The following GRM5 variants were observed in gnomAD, a reference collection of about 807,000 sequenced individuals.
GRM5 encodes the protein metabotropic glutamate receptor 5.
GRM5 carries 19 observed loss-of-function variants against 83.1 expected under a neutral mutation model. The observed-to-expected ratio is 0.23, with a 90% CI of 0.16 to 0.34. GRM5 has a LOEUF of 0.34. Among genes scored for constraint, GRM5 ranks in the 10% least tolerant of loss-of-function variants. GRM5 has a pLI of 1.00. For missense variants in GRM5, 1,160 were observed against 1,588.3 expected, an observed-to-expected ratio of 0.73 and a Z score of 4.58; for synonymous variants, 675 against 633.6, an observed-to-expected ratio of 1.07 and a Z score of -0.98.
At chr11:88,696,177 G>A (rs80073396) in intron 3 of GRM5, among the ~76,000 whole-genome samples, 5 of 152,090 alleles carry the variant, frequency 3.3e-5, no homozygotes, top group African/African-American at 9.7e-5. Context: ...ATTGCCCAGC[G>A]GTAGGGCTCT....
intron 2 of GRM5, among the ~76,000 whole-genome samples, chr11:88,918,813 G>A (rs981380461): frequency 2.0e-5 from 3 of 151,876 alleles, no homozygotes; most frequent in Non-Finnish European, 2.9e-5. Flanking sequence ...GAGTTAAGTA[G>A]TCATCAATTT....
chr11:88,648,898 A>T (rs1388738998), intron 4 of GRM5, among the ~76,000 whole-genome samples: 1 of 149,902 alleles, frequency 6.7e-6, no homozygotes, highest in Non-Finnish European at 1.5e-5. Flanking sequence ...GTGGAGAGAG[A>T]AATGCAGCAG....
chr11:89,045,841 T>G (rs997285935), intron 2 of GRM5, among the ~76,000 whole-genome samples: 1 of 152,188 alleles, frequency 6.6e-6, no homozygotes, highest in Non-Finnish European at 1.5e-5. Context: ...CCTAGTCATA[T>G]TTTCTTATGC....
At position 88,874,094 on chromosome 11, in the gene GRM5, A is replaced by C. The variant is rs115066790; in HGVS notation, c.662-23939T>G. On this transcript the variant is annotated intron_variant, in intron 2 of 9. Coordinates refer to ENST00000305447, the MANE Select transcript of GRM5 (RefSeq NM_001143831.3). ...GATATTGATTCAGAAAGGAAAGTTC[A>C]ACACTGGATATATTCACTGCCAAAT... Among the ~76,000 whole-genome samples the C allele has an allele frequency of 7.8e-3, 1,192 of 151,948 alleles. 18 individuals carry two copies. Among genetic ancestry groups the C allele is most frequent in the African/African-American group, 0.027 (1,126 of 41,540 alleles).
intron 3 of GRM5, among the ~76,000 whole-genome samples, chr11:88,795,860 C>A (rs900606949): frequency 6.6e-6 from 1 of 151,974 alleles, no homozygotes; most frequent in South Asian, 2.1e-4. Context: ...TGCATATGTC[C>A]CTATTGTGTA....
intron 2 of GRM5, among the ~76,000 whole-genome samples, chr11:89,004,521 T>A (rs543658452): frequency 6.6e-6 from 1 of 152,192 alleles, no homozygotes; most frequent in Non-Finnish European, 1.5e-5. Context: ...GTACAAAGTT[T>A]GGGCACATTA....
chr11:88,687,490 C>T (rs1235024736), intron 3 of GRM5, among the ~76,000 whole-genome samples: 1 of 85,004 alleles, frequency 1.2e-5, no homozygotes, highest in African/African-American at 5.7e-5. Flanking sequence ...AACAAACAAA[C>T]AAACAAAAAA....
chr11:88,795,017 G>T (rs1943249768), intron 3 of GRM5, among the ~76,000 whole-genome samples: 1 of 152,152 alleles, frequency 6.6e-6, no homozygotes. Context: ...AGACCAAAAT[G>T]CAATAAGTAG....
At chr11:88,559,138 C>A (rs559725818) in intron 8 of GRM5, among the ~76,000 whole-genome samples, 1 of 152,220 alleles carries the variant, frequency 6.6e-6, no homozygotes, top group East Asian at 1.9e-4. Context: ...AAATTTCAGG[C>A]AGTTCTTAAG....
intron 3 of GRM5, among the ~76,000 whole-genome samples, chr11:88,665,446 C>A (rs1405811939): frequency 6.6e-6 from 1 of 152,058 alleles, no homozygotes; most frequent in Non-Finnish European, 1.5e-5. Flanking sequence ...ACATGTTTTT[C>A]CTGGACAAAA....
intron 3 of GRM5, among the ~76,000 whole-genome samples, chr11:88,770,819 C>A (rs1029431174): frequency 8.6e-5 from 13 of 152,036 alleles, no homozygotes; most frequent in Non-Finnish European, 1.6e-4. Flanking sequence ...TTTGTCAGAA[C>A]GTTAATCTAA....
At chr11:88,758,379 A>G (rs1182456632) in intron 3 of GRM5, among the ~76,000 whole-genome samples, 1 of 152,200 alleles carries the variant, frequency 6.6e-6, no homozygotes, top group East Asian at 1.9e-4. Context: ...CCAGTATAGA[A>G]AAGTATGTAA....
chr11:88,579,270 C>T (rs1943178359), intron 7 of GRM5, among the ~76,000 whole-genome samples: 1 of 152,092 alleles, frequency 6.6e-6, no homozygotes, highest in Admixed American at 6.6e-5. Context: ...GTATTCACTT[C>T]TTTAGTGAAT....
At chr11:88,908,310 A>T (rs766023657) in intron 2 of GRM5, among the ~76,000 whole-genome samples, 10 of 152,112 alleles carry the variant, frequency 6.6e-5, no homozygotes, top group Non-Finnish European at 1.5e-4. Flanking sequence ...TTTTGAAAAT[A>T]ATGGTCATAA....
chr11:88,613,493 A>G (rs1370327601), intron 4 of GRM5, among the ~76,000 whole-genome samples: 1 of 152,132 alleles, frequency 6.6e-6, no homozygotes, highest in African/African-American at 2.4e-5. Context: ...TTGGTTTATA[A>G]GAAAAGCTAC....
chr11:88,842,125 T>C (rs1181648316), intron 3 of GRM5, among the ~76,000 whole-genome samples: 2 of 152,194 alleles, frequency 1.3e-5, no homozygotes, highest in Non-Finnish European at 2.9e-5. Context: ...TATAATAGAT[T>C]GGTGTAGATT....
In GRM5 at chr11:88,525,299, G is replaced by A; in HGVS notation, c.2726+10C>T. On this transcript the variant is annotated intron_variant, in intron 9 of 9. Coordinates refer to ENST00000305447, the MANE Select transcript of GRM5 (RefSeq NM_001143831.3). ...TTCACACCACCTCAGGCCACTCATA[G>A]TTTGCTTACCTGCTCATTGTTGCTC... The A allele has an allele frequency of 6.5e-7, 1 of 1,530,478 alleles. No individual in the cohort carries two copies. The highest frequency in any genetic ancestry group is 1.1e-5 in the South Asian group (1 of 89,152). The allele number at this position is 1,530,478 out of a possible 1,614,324, so 94.8% of individuals were successfully genotyped here. A position where few individuals can be genotyped will look rare whatever the true frequency, so the allele number is the denominator to read the frequency against.
chr11:88,841,529 G>T (rs1224445518), intron 3 of GRM5, among the ~76,000 whole-genome samples: 2 of 152,128 alleles, frequency 1.3e-5, no homozygotes, highest in Admixed American at 6.5e-5. Context: ...TACAGAAAAA[G>T]GTATTTCCCC....
chr11:88,552,805 G>A (rs534849179), intron 8 of GRM5, among the ~76,000 whole-genome samples: 1 of 152,136 alleles, frequency 6.6e-6, no homozygotes, highest in Non-Finnish European at 1.5e-5. Context: ...CCCATAACTC[G>A]TAGTCTGTCT....
Sources: allele counts gnomAD v4.1 joint callset (sites outside exome capture counted in the v4.1 genomes callset), GRCh38; gene constraint gnomAD v4.1.1; transcripts MANE v1.5; gene names NCBI Gene and HGNC (gene_info 2026-07-23, HGNC 2026-07-21).